Variants in GTF2E2 observed in about 807,000 individuals in gnomAD.
GTF2E2 encodes the protein general transcription factor IIE subunit 2, also known as transcription initiation factor IIE subunit beta.
In GTF2E2, 21 loss-of-function variants were observed where a neutral mutation model predicts 40.5. The observed-to-expected ratio is 0.52, with a 90% confidence interval of 0.37 to 0.75. GTF2E2 has a LOEUF of 0.75. Ranked by LOEUF, GTF2E2 falls within the 30% of genes least tolerant of loss-of-function variation. The pLI is 0.00. For missense variants in GTF2E2, 298 were observed against 338.4 expected (o/e 0.88, Z 0.94); for synonymous variants, 117 against 121.6 (o/e 0.96, Z 0.25).
At chr8:30,652,140 A>G (rs1802300678) in intron 2 of GTF2E2, among the ~76,000 whole-genome samples, 1 of 152,208 alleles carries the variant, frequency 6.6e-6, no homozygotes, top group Non-Finnish European at 1.5e-5. Flanking sequence ...ACAGAAAAAA[A>G]TTTTCATGAC....
At chr8:30,610,443 C>CA (rs34094808) in intron 5 of GTF2E2, among the ~76,000 whole-genome samples, 22,288 of 89,266 alleles carry the variant, frequency 0.25, 2,408 homozygotes, top group Non-Finnish European at 0.26. Context: ...GACTCTGTCT[C>CA]AAAAAAAAAA....
chr8:30,582,239 G>C (rs549007185), intron 6 of GTF2E2, among the ~76,000 whole-genome samples: 2 of 152,100 alleles, frequency 1.3e-5, no homozygotes, highest in Non-Finnish European at 2.9e-5. Context: ...GCCTAGGCTG[G>C]GCTCAAACTC....
In GTF2E2 at chr8:30,612,504, A is replaced by G; in HGVS notation, c.367-23T>C. ...AGCCTGTAACAGTGATACAATTGGA[A>G]TATATTAACAAATGGAACATAAATA... On this transcript the variant is annotated intron_variant, in intron 4 of 7. Transcript: ENST00000355904. 2.9e-6 allele frequency: 4 copies of G among 1,385,306 alleles called. No homozygotes were observed. In the South Asian group the frequency reaches 3.7e-5, roughly 13 times the overall value. 85.8% of individuals were successfully genotyped at this position (1,385,306 alleles called of 1,614,324 possible).
At chr8:30,587,295 C>T (rs891560558) in intron 6 of GTF2E2, among the ~76,000 whole-genome samples, 3 of 152,098 alleles carry the variant, frequency 2.0e-5, no homozygotes, top group South Asian at 4.2e-4. Flanking sequence ...TATCTGCAGT[C>T]CCAGCTACTT....
chr8:30,621,807 T>C (rs1000212560), intron 3 of GTF2E2, among the ~76,000 whole-genome samples: 7 of 152,030 alleles, frequency 4.6e-5, no homozygotes, highest in African/African-American at 1.2e-4. Context: ...CCAATTTTTA[T>C]GTTACTACTT....
intron 2 of GTF2E2, 88 bp downstream of exon 2, chr8:30,653,345 G>C: frequency 1.0e-6 from 1 of 956,572 alleles, no homozygotes; most frequent in Non-Finnish European, 1.6e-6. Context: ...CATGAGTGCT[G>C]AACTGAAAAA....
At chr8:30,602,887 C>A (rs1829222397) in intron 6 of GTF2E2, among the ~76,000 whole-genome samples, 1 of 152,150 alleles carries the variant, frequency 6.6e-6, no homozygotes, top group East Asian at 1.9e-4. Context: ...CAGTCCCACA[C>A]GTGGACACTA....
intron 3 of GTF2E2, among the ~76,000 whole-genome samples, chr8:30,621,976 A>T (rs532356418): frequency 0.015 from 1,710 of 111,658 alleles, 41 homozygotes; most frequent in African/African-American, 0.059. Flanking sequence ...ATATATATAT[A>T]TATTTTTTTA....
At chr8:30,599,704 G>T (rs1218952327) in intron 6 of GTF2E2, among the ~76,000 whole-genome samples, 1 of 152,092 alleles carries the variant, frequency 6.6e-6, no homozygotes, top group Admixed American at 6.6e-5. Context: ...TAACGATCAG[G>T]CAGGGCACGG....
At chr8:30,579,075 G>T (rs766529243) in intron 7 of GTF2E2, 38 bp from the exon 8 acceptor site, 2 of 1,043,430 alleles carry the variant, frequency 1.9e-6, no homozygotes, top group Non-Finnish European at 3.0e-6. Flanking sequence ...AACAACAGCT[G>T]CTCTGAGGGG....
intron 3 of GTF2E2, among the ~76,000 whole-genome samples, chr8:30,632,230 C>T (rs927873372): frequency 3.9e-5 from 6 of 152,182 alleles, no homozygotes; most frequent in African/African-American, 1.4e-4. Context: ...TAAATTATTA[C>T]AAAAATTGAC....
rs1828483401 is a variant in GTF2E2 at position 30,580,377 on chromosome 8, C to T, written c.663G>A (p.Arg221=). The T allele has an allele frequency of 6.3e-7, 1 of 1,578,714 alleles. No individual in the cohort carries two copies. The highest frequency in any genetic ancestry group is 1.3e-5 in the African/African-American group (1 of 74,344). The change falls in exon 7 of 8, where the codon AGG becomes AGA. Residue 221 remains arginine, a synonymous_variant. Transcript: ENST00000355904. ...SVDEEFQKLW[R]SVTVDSMDEE... is the part of the protein sequence containing the mutation. The stretch of plus-strand genomic sequence containing the variant: ...CGTCCATGGAATCTACAGTGACACT[C>T]CTCCACAGTTTCTGAAATTCTGTAT...
chr8:30,585,854 G>A (rs1828667086), intron 6 of GTF2E2, among the ~76,000 whole-genome samples: 1 of 151,470 alleles, frequency 6.6e-6, no homozygotes, highest in African/African-American at 2.4e-5. Context: ...GGAGATGGAG[G>A]TGGGAGGACT....
rs754348956 is a variant in GTF2E2 at position 30,635,089 on chromosome 8, C to G, written c.201G>C (p.Leu67Phe). The change falls in exon 3 of 8, where the codon TTG (leucine) becomes TTC (phenylalanine). Residue 67 changes from leucine to phenylalanine, a missense_variant. Transcript: ENST00000355904. Reference protein sequence around the residue: ...HSNGSFNLKALSGSSGYKFGV... With the variant: ...HSNGSFNLKAFSGSSGYKFGV... ...CAAACTTATATCCAGAGCTTCCTGA[C>G]AAAGCTTTCAAGTTAAATGATCCAT... is the stretch of plus-strand genomic sequence containing the variant. 75 of 1,608,054 alleles carry G rather than the reference C, an allele frequency of 4.7e-5. 1 individual carries two copies. Among genetic ancestry groups the G allele is most frequent in the Non-Finnish European group, 5.8e-5 (68 of 1,175,350 alleles).
At chr8:30,630,400 CT>C (rs1801406066) in intron 3 of GTF2E2, among the ~76,000 whole-genome samples, 1 of 152,202 alleles carries the variant, frequency 6.6e-6, no homozygotes, top group South Asian at 2.1e-4. Flanking sequence ...TCCCCTGGAA[CT>C]TTTTCCACAG....
At chr8:30,637,806 C>T (rs1329099702) in intron 2 of GTF2E2, among the ~76,000 whole-genome samples, 6 of 152,208 alleles carry the variant, frequency 3.9e-5, no homozygotes, top group Admixed American at 1.3e-4. Flanking sequence ...CAGGCATGGG[C>T]CACCGCTCCC....
chr8:30,639,548 A>G (rs1287714528), intron 2 of GTF2E2, among the ~76,000 whole-genome samples: 1 of 152,198 alleles, frequency 6.6e-6, no homozygotes, highest in Admixed American at 6.5e-5. Context: ...GTACCTTTCT[A>G]GGTAACAAGA....
At chr8:30,616,916 G>C (rs1800936435) in intron 3 of GTF2E2, among the ~76,000 whole-genome samples, 1 of 151,964 alleles carries the variant, frequency 6.6e-6, no homozygotes, top group East Asian at 1.9e-4. Context: ...GTATACATTT[G>C]AACTTTGTTT....
chr8:30,582,410 T>C (rs1828540625), intron 6 of GTF2E2, among the ~76,000 whole-genome samples: 2 of 152,260 alleles, frequency 1.3e-5, no homozygotes, highest in African/African-American at 4.8e-5. Flanking sequence ...ACAGAGTTCC[T>C]ATATGCCCTT....
Sources: allele counts gnomAD v4.1 joint callset (sites outside exome capture counted in the v4.1 genomes callset), GRCh38; gene constraint gnomAD v4.1.1; transcripts MANE v1.5; gene names NCBI Gene and HGNC (gene_info 2026-07-23, HGNC 2026-07-21).